The following TRPC4 variants were observed in gnomAD, a reference collection of about 807,000 sequenced individuals.
TRPC4 encodes the protein short transient receptor potential channel 4.
In TRPC4, 49 loss-of-function variants were observed where a neutral mutation model predicts 99.4. The ratio of observed to expected loss-of-function variants is 0.49; its 90% CI spans 0.39 to 0.63. TRPC4 has a LOEUF of 0.63. TRPC4 is among the 20% of genes least tolerant of loss of function. TRPC4 has a pLI of 0.00. For synonymous variants in TRPC4, 454 were observed against 425.9 expected, an observed-to-expected ratio of 1.07 and a Z score of -0.81; for missense variants, 898 against 1,152.9, an observed-to-expected ratio of 0.78 and a Z score of 3.20.
intron 1 of TRPC4, among the ~76,000 whole-genome samples, chr13:37,784,107 T>A (rs1566168954): frequency 6.6e-6 from 1 of 152,108 alleles, no homozygotes. Context: ...ATAATTATAT[T>A]TTTTTCTCTC....
chr13:37,833,118 TCA>T (rs950585538), intron 1 of TRPC4, among the ~76,000 whole-genome samples: 1 of 152,114 alleles, frequency 6.6e-6, no homozygotes, highest in Non-Finnish European at 1.5e-5. Flanking sequence ...TGCTTTTGCT[TCA>T]CAGAGATTTT....
chr13:37,633,867 C>T lies in TRPC4; in HGVS notation c.*3036G>A, dbSNP rs1237392038. 6.6e-6 allele frequency among the ~76,000 whole-genome samples: 1 copy of T among 151,950 alleles called. No homozygotes were observed. Among genetic ancestry groups the T allele is most frequent in the Non-Finnish European group, 1.5e-5 (1 of 67,958 alleles). On this transcript the variant is annotated 3_prime_UTR_variant, in exon 11 of 11. Coordinates refer to ENST00000379705, the MANE Select transcript of TRPC4 (RefSeq NM_016179.4). ...CATTTTAAAAAATATAGCCAATTTC[C>T]TTACTGAAGTTAATATAGATTTATT...
At chr13:37,735,527 C>G (rs1955369367) in intron 3 of TRPC4, among the ~76,000 whole-genome samples, 1 of 152,094 alleles carries the variant, frequency 6.6e-6, no homozygotes, top group African/African-American at 2.4e-5. Flanking sequence ...CAAGAGAAAG[C>G]CTTCTCCATC....
chr13:37,708,763 ATT>A (rs1477931032), intron 3 of TRPC4, among the ~76,000 whole-genome samples: 1 of 150,296 alleles, frequency 6.7e-6, no homozygotes, highest in Non-Finnish European at 1.5e-5. Flanking sequence ...AAAAATCTTA[ATT>A]TCTAGTAAGT....
At position 37,637,100 on chromosome 13, in the gene TRPC4, C is replaced by G. The variant is rs775168860; in HGVS notation, c.2737G>C (p.Glu913Gln). 1.2e-5 allele frequency: 19 copies of G among 1,613,636 alleles called. No homozygotes were observed. The highest frequency in any genetic ancestry group is 3.3e-5 in the Admixed American group (2 of 59,922). ...AACCCCAGTGTGTCCGTATTCCTTT[C>G]TCTATGGTCTACTAACACACATTGT... ...SEQCVLVDHR[E>Q]RNTDTLGLQV... is the part of the protein sequence containing the mutation. Residue 913 changes from glutamate (E) to glutamine (Q), a missense_variant, in exon 11 of 11, where the codon GAA becomes CAA. Physicochemically the swap from Glu to Gln is conservative, Grantham distance 29. Around this residue, in one of 3 missense-constraint regions of TRPC4, gnomAD observed 346 missense variants for 351.4 expected, o/e 0.98. Coordinates refer to ENST00000379705, the MANE Select transcript of TRPC4 (RefSeq NM_016179.4).
At chr13:37,789,645 C>T (rs1226822458) in intron 1 of TRPC4, among the ~76,000 whole-genome samples, 1 of 151,136 alleles carries the variant, frequency 6.6e-6, no homozygotes, top group Non-Finnish European at 1.5e-5. Context: ...CAGTCAATAG[C>T]TGTTAAGCTA....
intron 8 of TRPC4, among the ~76,000 whole-genome samples, chr13:37,642,063 T>C (rs1951730698): frequency 6.6e-6 from 1 of 152,176 alleles, no homozygotes; most frequent in Non-Finnish European, 1.5e-5. Flanking sequence ...TTCATGCTTG[T>C]GGAGCATTTC....
In TRPC4 at chr13:37,712,762, G is replaced by A. The variant is rs373511024; in HGVS notation, c.898-20427C>T. The stretch of plus-strand genomic sequence containing the variant: ...AAAAAGCATGTCTAGAGAAGGGTGA[G>A]AGGCTGAAATAGATGTCAGGGGGGC... On this transcript the variant is annotated intron_variant, in intron 3 of 10. Transcript: ENST00000379705. Among the ~76,000 whole-genome samples, 9 of 152,266 alleles carry A rather than the reference G, an allele frequency of 5.9e-5. No individual in the cohort carries two copies. The East Asian group carries it at 9.7e-4, about 16-fold the overall frequency.
At chr13:37,708,471 A>T (rs1954365704) in intron 3 of TRPC4, among the ~76,000 whole-genome samples, 1 of 152,040 alleles carries the variant, frequency 6.6e-6, no homozygotes, top group Admixed American at 6.6e-5. Context: ...ACATTGTTGA[A>T]AGTTGAAGAC....
intron 3 of TRPC4, among the ~76,000 whole-genome samples, chr13:37,709,075 T>C (rs1051050650): frequency 3.9e-5 from 6 of 151,974 alleles, no homozygotes; most frequent in Admixed American, 1.3e-4. Context: ...AAGACAAAGT[T>C]TTCCACCCTA....
chr13:37,664,026 G>T (rs1197379119), intron 5 of TRPC4, among the ~76,000 whole-genome samples: 1 of 152,074 alleles, frequency 6.6e-6, no homozygotes, highest in Admixed American at 6.5e-5. Context: ...CTTACAAATC[G>T]TCCCGGCAGT....
intron 1 of TRPC4, among the ~76,000 whole-genome samples, chr13:37,809,781 G>C (rs9576359): frequency 0.29 from 43,898 of 151,810 alleles, 6,558 homozygotes; most frequent in East Asian, 0.43. Flanking sequence ...TATGAATCTG[G>C]AATGAAAATG....
intron 4 of TRPC4, among the ~76,000 whole-genome samples, chr13:37,682,947 T>C (rs989688851): frequency 3.7e-5 from 5 of 133,734 alleles, no homozygotes; most frequent in Non-Finnish European, 6.3e-5. Context: ...TTTTTTTTGG[T>C]AGAAAAGAAA....
rs1245562107 is a variant in TRPC4 at position 37,637,470 on chromosome 13, G to T, written c.2367C>A (p.Asp789Glu). 6.2e-7 allele frequency: 1 copy of T among 1,613,668 alleles called. No individual in the cohort carries two copies. Among genetic ancestry groups the T allele is most frequent in the East Asian group, 2.2e-5 (1 of 44,866 alleles). The part of the protein sequence containing the change: ...EKSDSEGNSK[D>E]KKKNFSLFDL... ...CAAAAAGGCTGAAATTCTTTTTCTTGTCCTTGCTATTACCTTCGCTATCAC... is the reference window on the plus strand; with the variant it reads ...CAAAAAGGCTGAAATTCTTTTTCTTTTCCTTGCTATTACCTTCGCTATCAC... The change falls in exon 11 of 11, where the codon GAC becomes GAA. Residue 789 changes from aspartate (D) to glutamate (E), a missense_variant. Physicochemically the swap from Asp to Glu is conservative, Grantham distance 45. Around this residue, in one of 3 missense-constraint regions of TRPC4, gnomAD observed 346 missense variants for 351.4 expected, o/e 0.98. Transcript: ENST00000379705.
intron 3 of TRPC4, among the ~76,000 whole-genome samples, chr13:37,736,895 A>ATTTT (rs34176145): frequency 0.011 from 1,383 of 127,714 alleles, 21 homozygotes; most frequent in South Asian, 0.028. Context: ...TGCCTGGCTA[A>ATTTT]TTTTTTTTTT....
At chr13:37,678,212 A>G (rs1176214817) in intron 4 of TRPC4, among the ~76,000 whole-genome samples, 2 of 152,084 alleles carry the variant, frequency 1.3e-5, no homozygotes, top group African/African-American at 4.8e-5. Context: ...TTAAGACAGT[A>G]TAAAAAGAAG....
intron 1 of TRPC4, among the ~76,000 whole-genome samples, chr13:37,796,075 G>T (rs781242424): frequency 7.2e-5 from 11 of 152,098 alleles, no homozygotes; most frequent in Non-Finnish European, 1.6e-4. Context: ...TTTGGTCATG[G>T]CAGGCAGGAG....
chr13:37,779,863 C>A (rs919284132), intron 2 of TRPC4, among the ~76,000 whole-genome samples: 2 of 151,982 alleles, frequency 1.3e-5, no homozygotes, highest in Non-Finnish European at 2.9e-5. Flanking sequence ...ACATTCTTCC[C>A]CTTTTTCCTT....
intron 1 of TRPC4, among the ~76,000 whole-genome samples, chr13:37,861,563 T>G (rs1959326724): frequency 6.6e-6 from 1 of 151,672 alleles, no homozygotes; most frequent in Non-Finnish European, 1.5e-5. Context: ...GAAAAATATT[T>G]ATCATAAATA....
Sources: gnomAD v4.1 joint callset for allele counts (sites outside exome capture counted in the v4.1 genomes callset) on GRCh38, gnomAD v4.1.1 for gene constraint, gnomAD v4.1.1 regional missense constraint, MANE v1.5 for transcripts, NCBI Gene and HGNC (gene_info 2026-07-23, HGNC 2026-07-21) for gene names.